Variants in PTPRD observed in about 807,000 individuals in gnomAD.
PTPRD encodes the protein protein tyrosine phosphatase receptor type D.
In PTPRD, 34 loss-of-function variants were observed where a neutral mutation model predicts 214.5. That is an observed-to-expected ratio of 0.16 (90% confidence interval 0.12 to 0.21). The LOEUF is 0.21. PTPRD is among the 10% of genes least tolerant of loss of function. The pLI, the probability that PTPRD is intolerant of heterozygous loss-of-function variation, is 1.00. For synonymous variants in PTPRD, 1,128 were observed against 845.7 expected, an observed-to-expected ratio of 1.33 and a Z score of -5.79; for missense variants, 2,545 against 2,398.7, an observed-to-expected ratio of 1.06 and a Z score of -1.27.
chr9:9,869,360 T>C (rs2064848881), intron 5 of PTPRD, among the ~76,000 whole-genome samples: 1 of 152,176 alleles, frequency 6.6e-6, no homozygotes, highest in Non-Finnish European at 1.5e-5. Flanking sequence ...TGATTATTAA[T>C]GGATTCCAAA....
intron 4 of PTPRD, among the ~76,000 whole-genome samples, chr9:9,947,464 C>A (rs1286094510): frequency 2.1e-3 from 40 of 18,810 alleles, no homozygotes; most frequent in East Asian, 7.2e-3. Flanking sequence ...TTTATATATA[C>A]TATATATTAT....
At chr9:8,593,791 C>T (rs558158608) in intron 14 of PTPRD, among the ~76,000 whole-genome samples, 8 of 152,146 alleles carry the variant, frequency 5.3e-5, no homozygotes, top group African/African-American at 1.2e-4. Context: ...ATGATCATAG[C>T]ACCCTTGGCA....
intron 5 of PTPRD, among the ~76,000 whole-genome samples, chr9:9,887,593 T>C (rs996189279): frequency 6.6e-6 from 1 of 152,134 alleles, no homozygotes; most frequent in Non-Finnish European, 1.5e-5. Flanking sequence ...GACTCTTTAG[T>C]GAGAACATCA....
chr9:9,719,902 C>T (rs1006549289), intron 7 of PTPRD, among the ~76,000 whole-genome samples: 6 of 152,284 alleles, frequency 3.9e-5, no homozygotes, highest in East Asian at 1.9e-4. Flanking sequence ...TGTGCTAGTG[C>T]GTGGAGCTGC....
At chr9:9,952,177 A>C (rs867170852) in intron 4 of PTPRD, among the ~76,000 whole-genome samples, 2 of 152,182 alleles carry the variant, frequency 1.3e-5, no homozygotes, top group African/African-American at 4.8e-5. Context: ...ACACAGTGAA[A>C]AAGTACATTG....
At chr9:10,201,551 A>G (rs2099422150) in intron 3 of PTPRD, among the ~76,000 whole-genome samples, 2 of 151,972 alleles carry the variant, frequency 1.3e-5, no homozygotes, top group South Asian at 4.1e-4. Context: ...AAGGCTGAAT[A>G]ATATTCCATT....
intron 11 of PTPRD, among the ~76,000 whole-genome samples, chr9:8,988,182 C>A (rs1053876663): frequency 1.3e-5 from 2 of 151,986 alleles, no homozygotes; most frequent in African/African-American, 4.8e-5. Context: ...AGATAGTACC[C>A]ACACCCTCCT....
chr9:8,392,924 G>A (rs1464047063), intron 36 of PTPRD, among the ~76,000 whole-genome samples: 1 of 152,122 alleles, frequency 6.6e-6, no homozygotes, highest in African/African-American at 2.4e-5. Context: ...ATTAACCCCA[G>A]ATTGGAAGCT....
At chr9:9,479,481 C>G (rs1044113135) in intron 8 of PTPRD, among the ~76,000 whole-genome samples, 1 of 151,958 alleles carries the variant, frequency 6.6e-6, no homozygotes, top group Non-Finnish European at 1.5e-5. Context: ...AACCTTGTAT[C>G]AATTAAGTCC....
At chr9:10,428,220 G>A (rs2098642704) in intron 2 of PTPRD, among the ~76,000 whole-genome samples, 1 of 152,054 alleles carries the variant, frequency 6.6e-6, no homozygotes, top group South Asian at 2.1e-4. Context: ...TTGGGAGGCT[G>A]AGGCGGGAGA....
intron 10 of PTPRD, among the ~76,000 whole-genome samples, chr9:9,032,690 A>G (rs1294046572): frequency 6.6e-6 from 1 of 152,076 alleles, no homozygotes; most frequent in Non-Finnish European, 1.5e-5. Flanking sequence ...AAGAACTTGT[A>G]TAGTTCAGAC....
chr9:10,507,430 C>A (rs545186443), intron 2 of PTPRD, among the ~76,000 whole-genome samples: 1 of 152,212 alleles, frequency 6.6e-6, no homozygotes, highest in South Asian at 2.1e-4. Flanking sequence ...ACTTTCTTCA[C>A]AGAATTGGAA....
intron 7 of PTPRD, among the ~76,000 whole-genome samples, chr9:9,604,881 A>G (rs1279421093): frequency 6.6e-6 from 1 of 152,072 alleles, no homozygotes; most frequent in African/African-American, 2.4e-5. Context: ...AAGAACAAAA[A>G]AAAAAGAGAG....
At chr9:8,838,781 T>C (rs955319612) in intron 11 of PTPRD, among the ~76,000 whole-genome samples, 2 of 151,982 alleles carry the variant, frequency 1.3e-5, no homozygotes, top group Admixed American at 6.6e-5. Flanking sequence ...CTAAATAAGT[T>C]TGAGGATCAT....
At chr9:10,357,454 T>C (rs2097299683) in intron 2 of PTPRD, among the ~76,000 whole-genome samples, 1 of 152,230 alleles carries the variant, frequency 6.6e-6, no homozygotes, top group African/African-American at 2.4e-5. Flanking sequence ...GCAAACTATT[T>C]AACCTCTGTT....
At position 8,675,424 on chromosome 9, in the gene PTPRD, A is replaced by G. The variant is rs1432340943; in HGVS notation, c.65-38580T>C. 8.6e-5 allele frequency among the ~76,000 whole-genome samples: 13 copies of G among 150,886 alleles called. No individual in the cohort carries two copies. The East Asian group carries it at 2.0e-3, about 23-fold the overall frequency. ...TTCAACGTAAGTATTGTCTCACGCAAAAACCCCACTCCTCCCCCTCCTAAA... is the reference window on the plus strand; with the variant it reads ...TTCAACGTAAGTATTGTCTCACGCAGAAACCCCACTCCTCCCCCTCCTAAA... On this transcript the variant is annotated intron_variant, in intron 12 of 45. Coordinates refer to ENST00000381196, the MANE Select transcript of PTPRD (RefSeq NM_002839.4).
chr9:9,874,379 G>A (rs2066281558), intron 5 of PTPRD, among the ~76,000 whole-genome samples: 1 of 152,110 alleles, frequency 6.6e-6, no homozygotes, highest in Non-Finnish European at 1.5e-5. Flanking sequence ...CATTACATGA[G>A]TGATGTTATA....
chr9:10,482,513 T>C (rs62535513), intron 2 of PTPRD, among the ~76,000 whole-genome samples: 137,696 of 151,790 alleles, frequency 0.91, 62,612 homozygotes, highest in East Asian at 1. Context: ...TGATCTTATC[T>C]TAGAAAACCC....
chr9:8,913,913 A>G (rs563494704), intron 11 of PTPRD, among the ~76,000 whole-genome samples: 1 of 152,280 alleles, frequency 6.6e-6, no homozygotes, highest in East Asian at 1.9e-4. Context: ...TTCAACAAAT[A>G]TTTACTAAGT....
Sources: gnomAD v4.1 joint callset for allele counts (sites outside exome capture counted in the v4.1 genomes callset) on GRCh38, gnomAD v4.1.1 for gene constraint, MANE v1.5 for transcripts, NCBI Gene and HGNC (gene_info 2026-07-23, HGNC 2026-07-21) for gene names.